The following TBC1D19 variants were observed in gnomAD, a reference collection of about 807,000 sequenced individuals.
The protein encoded by TBC1D19 is TBC1 domain family, member 19.
Under a neutral mutation model 89.0 loss-of-function variants are expected in TBC1D19, and 60 were observed. That is an observed-to-expected ratio of 0.67 (90% CI 0.55 to 0.84). The LOEUF (loss-of-function observed/expected upper bound fraction) is 0.84. TBC1D19 is among the 40% of genes least tolerant of loss of function. The probability of loss-of-function intolerance (pLI) is 0.00; values close to 1 mark genes in which losing one functional copy is unlikely to be tolerated. For missense variants in TBC1D19, 500 were observed against 610.8 expected (o/e 0.82, Z 1.91); for synonymous variants, 189 against 199.7 (o/e 0.95, Z 0.45).
chr4:26,832,833 A>C, the TBC1D19 span, among the ~76,000 whole-genome samples: 1 of 152,082 alleles, frequency 6.6e-6, no homozygotes, highest in Non-Finnish European at 1.5e-5. Flanking sequence ...ATCTCTACTA[A>C]AAATACAAAA....
intron 13 of TBC1D19, among the ~76,000 whole-genome samples, chr4:26,700,101 C>T (rs1156569380): frequency 6.6e-6 from 1 of 151,562 alleles, no homozygotes; most frequent in Non-Finnish European, 1.5e-5. Context: ...CAAACAGAGC[C>T]TCAGGGAAGT....
intron 7 of TBC1D19, among the ~76,000 whole-genome samples, chr4:26,656,692 G>A (rs1420951632): frequency 6.6e-6 from 1 of 151,660 alleles, no homozygotes; most frequent in Admixed American, 6.6e-5. Context: ...CCGAGTAGCT[G>A]GAACTACAGG....
intron 18 of TBC1D19, among the ~76,000 whole-genome samples, chr4:26,743,841 G>T (rs1718504953): frequency 6.6e-6 from 1 of 151,418 alleles, no homozygotes; most frequent in African/African-American, 2.4e-5. Context: ...TATAAGTAGG[G>T]TTTTCTTTAC....
rs774609904 is a variant in TBC1D19 at position 26,625,062 on chromosome 4, AT to A, written c.294+4385del. On this transcript the variant is annotated intron_variant, in intron 4 of 20. Transcript: ENST00000264866. Reference sequence around the variant, plus strand: ...ATTGTACCCTGGAAAAATTCAATTCATTTTTTTTTTTCAGTTAAAGTTTTAT... The same window carrying A: ...ATTGTACCCTGGAAAAATTCAATTCATTTTTTTTTTCAGTTAAAGTTTTAT... 7.4e-3 allele frequency among the ~76,000 whole-genome samples: 1,087 copies of A among 146,388 alleles called. 11 individuals are homozygous for A. The highest frequency in any genetic ancestry group is 0.014 in the Middle Eastern group (4 of 280).
chr4:26,754,041 T>A, intron 20 of TBC1D19, 151 bp downstream of exon 20: 1 of 648,336 alleles, frequency 1.5e-6, no homozygotes, highest in Non-Finnish European at 2.6e-6. Context: ...TAATAATACT[T>A]AAGGATTCAA....
At chr4:26,662,867 G>T (rs1256127595) in intron 8 of TBC1D19, 1 of 152,128 alleles carries the variant, frequency 6.6e-6, no homozygotes, top group Non-Finnish European at 1.5e-5. Flanking sequence ...TATTTAGGGA[G>T]CTCTTGGTAG....
chr4:26,712,433 C>T (rs560309288), intron 13 of TBC1D19, among the ~76,000 whole-genome samples: 1 of 152,116 alleles, frequency 6.6e-6, no homozygotes, highest in East Asian at 1.9e-4. Flanking sequence ...CAGCAGAGAG[C>T]ATCATCACAT....
chr4:26,651,340 A>G (rs1292517022), intron 7 of TBC1D19, among the ~76,000 whole-genome samples: 1 of 152,062 alleles, frequency 6.6e-6, no homozygotes, highest in African/African-American at 2.4e-5. Context: ...GATTCTTCCT[A>G]CCCATGAGCA....
At chr4:26,744,354 G>A (rs1046037459) in intron 18 of TBC1D19, among the ~76,000 whole-genome samples, 1 of 150,846 alleles carries the variant, frequency 6.6e-6, no homozygotes, top group African/African-American at 2.4e-5. Context: ...CTTTTTCTCT[G>A]TTGTTTTTCT....
At chr4:26,824,736 C>T in the TBC1D19 span, among the ~76,000 whole-genome samples, 1 of 151,894 alleles carries the variant, frequency 6.6e-6, no homozygotes, top group African/African-American at 2.4e-5. Flanking sequence ...TGTGTTGATA[C>T]ATCTTTGCAC....
chr4:26,787,085 T>A, the TBC1D19 span, among the ~76,000 whole-genome samples: 2 of 150,586 alleles, frequency 1.3e-5, no homozygotes, highest in East Asian at 3.9e-4. Flanking sequence ...GGTAGACACA[T>A]AATAAAGAGG....
chr4:26,609,393 A>G (rs1304225114), intron 1 of TBC1D19, among the ~76,000 whole-genome samples: 2 of 152,136 alleles, frequency 1.3e-5, no homozygotes, highest in Non-Finnish European at 2.9e-5. Context: ...AATTGCTGAA[A>G]CAGAGGAACA....
At chr4:26,842,484 T>C in the TBC1D19 span, among the ~76,000 whole-genome samples, 1 of 151,074 alleles carries the variant, frequency 6.6e-6, no homozygotes, top group African/African-American at 2.4e-5. Context: ...ACTATAGGCA[T>C]GCACCACCAC....
intron 1 of TBC1D19, among the ~76,000 whole-genome samples, chr4:26,599,889 A>G (rs543506562): frequency 2.8e-5 from 4 of 140,452 alleles, no homozygotes. Context: ...CAGAGGTTGC[A>G]GTGAGCTGAG....
At chr4:26,626,039 T>G (rs75082398) in intron 4 of TBC1D19, among the ~76,000 whole-genome samples, 2,938 of 152,240 alleles carry the variant, frequency 0.019, 97 homozygotes, top group African/African-American at 0.068. Flanking sequence ...TCTACATAAA[T>G]TATTTGGAAT....
chr4:26,592,444 C>T (rs1739880744), intron 1 of TBC1D19, among the ~76,000 whole-genome samples: 1 of 152,178 alleles, frequency 6.6e-6, no homozygotes, highest in South Asian at 2.1e-4. Flanking sequence ...AGGATGCCCT[C>T]TCTCACCACT....
intron 13 of TBC1D19, among the ~76,000 whole-genome samples, chr4:26,716,951 T>C (rs2109260846): frequency 6.6e-6 from 1 of 152,170 alleles, no homozygotes; most frequent in East Asian, 1.9e-4. Flanking sequence ...CAGCCAATAC[T>C]CTGTATTTCT....
chr4:26,800,162 C>A, the TBC1D19 span, among the ~76,000 whole-genome samples: 1 of 152,170 alleles, frequency 6.6e-6, no homozygotes, highest in Non-Finnish European at 1.5e-5. Context: ...CCCGTCTCCC[C>A]ACCCCACAAC....
upstream of TBC1D19, among the ~76,000 whole-genome samples, chr4:26,581,479 G>A (rs887487568): frequency 5.9e-5 from 9 of 152,156 alleles, no homozygotes; most frequent in Non-Finnish European, 1.2e-4. Context: ...TGGGGTGTTT[G>A]GTTTTCTGTT....
Sources: gnomAD v4.1 joint callset for allele counts (sites outside exome capture counted in the v4.1 genomes callset) on GRCh38, gnomAD v4.1.1 for gene constraint, MANE v1.5 for transcripts, NCBI Gene and HGNC (gene_info 2026-07-23, HGNC 2026-07-21) for gene names.